The following WARS2 variants were observed in gnomAD, a reference collection of about 807,000 sequenced individuals.
The protein encoded by WARS2 is tryptophan--tRNA ligase, mitochondrial.
Under a neutral mutation model 36.5 loss-of-function variants are expected in WARS2, and 28 were observed. The observed-to-expected ratio is 0.77, with a 90% CI of 0.57 to 1.05. The LOEUF (loss-of-function observed/expected upper bound fraction) is 1.05. WARS2 is among the 50% of genes least tolerant of loss of function. The pLI is 0.00. For missense variants in WARS2, 435 were observed against 456.8 expected (o/e 0.95, Z 0.44); for synonymous variants, 174 against 178.4 (o/e 0.98, Z 0.20).
chr1:119,092,431 A>G (rs750415393), intron 1 of WARS2, among the ~76,000 whole-genome samples: 2 of 152,244 alleles, frequency 1.3e-5, no homozygotes, highest in Non-Finnish European at 2.9e-5. Flanking sequence ...ATATTATTTT[A>G]GTACTTACTA....
intron 2 of WARS2, among the ~76,000 whole-genome samples, chr1:119,068,347 T>C (rs770400283): frequency 9.9e-5 from 15 of 152,204 alleles, no homozygotes; most frequent in South Asian, 2.1e-4. Flanking sequence ...TATTTATGTA[T>C]AGTAAGCCAA....
chr1:119,052,560 G>T (rs1437106865), intron 2 of WARS2, among the ~76,000 whole-genome samples: 1 of 152,134 alleles, frequency 6.6e-6, no homozygotes, highest in Non-Finnish European at 1.5e-5. Context: ...TACACATCTG[G>T]AGTTCTCTAT....
At chr1:119,087,932 T>C (rs1652789541) in intron 1 of WARS2, among the ~76,000 whole-genome samples, 1 of 152,130 alleles carries the variant, frequency 6.6e-6, no homozygotes, top group Admixed American at 6.5e-5. Context: ...GCATCATGGC[T>C]TGGGAACTTG....
rs568586412 is a variant in WARS2 at position 119,038,716 on chromosome 1, C to T, written c.515+3548G>A. On this transcript the variant is annotated intron_variant, in intron 4 of 5. Coordinates refer to ENST00000235521, the MANE Select transcript of WARS2 (RefSeq NM_015836.4). ...TATTTTTTGAGATAGAGTCTCACTC[C>T]GTCACCCAGGCTAGAGTGCAGTGGT... 2.9e-4 allele frequency among the ~76,000 whole-genome samples: 44 copies of T among 152,138 alleles called. No individual in the cohort carries two copies. In the South Asian group the frequency reaches 8.3e-3, roughly 29 times the overall value.
At chr1:119,080,585 A>G (rs923722132) in intron 1 of WARS2, among the ~76,000 whole-genome samples, 5 of 152,204 alleles carry the variant, frequency 3.3e-5, no homozygotes, top group African/African-American at 1.2e-4. Flanking sequence ...CTAAATGGGA[A>G]CTGGATACCT....
intron 1 of WARS2, among the ~76,000 whole-genome samples, chr1:119,120,495 T>C (rs1302713407): frequency 6.6e-6 from 1 of 151,970 alleles, no homozygotes; most frequent in African/African-American, 2.4e-5. Flanking sequence ...TTAGTACCAA[T>C]CCTACTGAAA....
At chr1:119,128,441 A>C (rs1015928939) in intron 1 of WARS2, among the ~76,000 whole-genome samples, 23 of 123,462 alleles carry the variant, frequency 1.9e-4, no homozygotes, top group African/African-American at 3.2e-4. Context: ...ACACCCTCGG[A>C]ATCCTTAGAT....
At chr1:119,082,264 C>A in intron 1 of WARS2, 1 of 985,220 alleles carries the variant, frequency 1.0e-6, no homozygotes, top group Middle Eastern at 5.2e-4. Context: ...TAAAAATATT[C>A]CCCCACAGGC....
intron 1 of WARS2, among the ~76,000 whole-genome samples, chr1:119,093,201 A>G (rs1490029944): frequency 6.6e-6 from 1 of 152,126 alleles, no homozygotes; most frequent in Non-Finnish European, 1.5e-5. Context: ...CAAGTTTTAC[A>G]TTTAACATTT....
intron 3 of WARS2, among the ~76,000 whole-genome samples, chr1:119,045,052 A>T (rs182062116): frequency 1.4e-4 from 22 of 152,356 alleles, no homozygotes; most frequent in Non-Finnish European, 2.2e-4. Context: ...CTGCAAAAAT[A>T]AATGGAAGTA....
rs78372014 is a variant in WARS2 at position 119,126,455 on chromosome 1, T to C, written c.90+14100A>G. ...TTAATTGATTGAATTCTCACACTCA[T>C]GGTAACACTCTGAGGTAGATACTAT... On this transcript the variant is annotated intron_variant, in intron 1 of 5. Transcript: ENST00000235521. 3.5e-3 allele frequency: 1,408 copies of C among 405,992 alleles called. 13 individuals carry two copies. Among genetic ancestry groups the C allele is most frequent in the African/African-American group, 0.027 (1,300 of 48,604 alleles). The allele number at this position is 405,992 out of a possible 1,614,324, so 25.1% of individuals were successfully genotyped here.
intron 2 of WARS2, among the ~76,000 whole-genome samples, chr1:119,057,641 T>C (rs1571290734): frequency 1.3e-5 from 2 of 151,830 alleles, no homozygotes; most frequent in Middle Eastern, 3.4e-3. Context: ...AATATAATCA[T>C]TAGCCAGGCA....
intron 4 of WARS2, among the ~76,000 whole-genome samples, chr1:119,041,549 T>C (rs1396949371): frequency 6.6e-6 from 1 of 152,116 alleles, no homozygotes; most frequent in Non-Finnish European, 1.5e-5. Flanking sequence ...TCTAATACAG[T>C]GGTTATTTAA....
chr1:119,103,181 G>T (rs1038326232), intron 1 of WARS2, among the ~76,000 whole-genome samples: 3 of 152,172 alleles, frequency 2.0e-5, no homozygotes, highest in Non-Finnish European at 4.4e-5. Context: ...TTGTTTGCTT[G>T]TTTGTTGGTT....
chr1:119,051,762 A>AT (rs527937756), intron 2 of WARS2, among the ~76,000 whole-genome samples: 10,928 of 114,098 alleles, frequency 0.096, 741 homozygotes, highest in South Asian at 0.13. Context: ...TCTCGCTGTA[A>AT]TTTTTTTTTT....
chr1:119,054,625 C>G (rs1649625270), intron 2 of WARS2, among the ~76,000 whole-genome samples: 1 of 152,110 alleles, frequency 6.6e-6, no homozygotes, highest in African/African-American at 2.4e-5. Flanking sequence ...GCATCATTCA[C>G]AATAGCTGAA....
intron 1 of WARS2, among the ~76,000 whole-genome samples, chr1:119,108,627 C>A (rs1464820256): frequency 6.6e-6 from 1 of 151,712 alleles, no homozygotes; most frequent in Admixed American, 6.6e-5. Flanking sequence ...TTTTGGGAGG[C>A]ATGTTATTGA....
Position 119,045,650 on chromosome 1 carries a change from T to C in WARS2, c.361A>G (p.Thr121Ala). ...LFQQSQVSEH[T>A]QLSWILSCMV... ...CAGGAAAGGATCCAACTTAATTGTG[T>C]GTGTTCAGACACCTAAAGAAATAAA... The change falls in exon 3 of 6, where the codon ACA becomes GCA. Residue 121 changes from threonine (T) to alanine (A), a missense_variant. Thr to Ala is a moderately conservative substitution (Grantham distance 58). Transcript: ENST00000235521. The C allele has an allele frequency of 6.3e-7, 1 of 1,589,364 alleles. No individual in the cohort carries two copies. Among genetic ancestry groups the C allele is most frequent in the Non-Finnish European group, 8.6e-7 (1 of 1,164,390 alleles).
At chr1:119,080,390 A>C (rs939046093) in intron 1 of WARS2, among the ~76,000 whole-genome samples, 1 of 152,210 alleles carries the variant, frequency 6.6e-6, no homozygotes, top group Non-Finnish European at 1.5e-5. Flanking sequence ...GCACCAGAGA[A>C]GAGACTGTGG....
Sources: gnomAD v4.1 joint callset for allele counts (sites outside exome capture counted in the v4.1 genomes callset) on GRCh38, gnomAD v4.1.1 for gene constraint, MANE v1.5 for transcripts, NCBI Gene and HGNC (gene_info 2026-07-23, HGNC 2026-07-21) for gene names.